The following TAF2 variants were observed in gnomAD, a reference collection of about 807,000 sequenced individuals.
TAF2 encodes the protein TATA-box binding protein associated factor 2, also known as transcription initiation factor TFIID subunit 2.
In TAF2, 61 loss-of-function variants were observed where a neutral mutation model predicts 138.5. The observed-to-expected ratio is 0.44, with a 90% CI of 0.36 to 0.54. The LOEUF is 0.54. TAF2 is among the 20% of genes least tolerant of loss of function. The pLI, the probability that TAF2 is intolerant of heterozygous loss-of-function variation, is 0.00. For synonymous variants in TAF2, 475 were observed against 469.9 expected, an observed-to-expected ratio of 1.01 and a Z score of -0.14; for missense variants, 1,090 against 1,427.9, an observed-to-expected ratio of 0.76 and a Z score of 3.81.
At chr8:119,817,901 G>A (rs997428903) in intron 3 of TAF2, among the ~76,000 whole-genome samples, 6 of 152,154 alleles carry the variant, frequency 3.9e-5, no homozygotes, top group Non-Finnish European at 8.8e-5. Context: ...GGGGGGAAAG[G>A]GATGCAGATA....
chr8:119,742,215 AAG>A (rs1347770986), intron 25 of TAF2, among the ~76,000 whole-genome samples: 5 of 152,234 alleles, frequency 3.3e-5, no homozygotes, highest in African/African-American at 1.2e-4. Flanking sequence ...ATGGCAAAGA[AAG>A]AGCAAAATGT....
At chr8:119,820,575 A>G (rs1299840307) in intron 2 of TAF2, among the ~76,000 whole-genome samples, 1 of 152,242 alleles carries the variant, frequency 6.6e-6, no homozygotes, top group African/African-American at 2.4e-5. Flanking sequence ...CAAAAAAAGT[A>G]GGTCAGTAAT....
intron 14 of TAF2, among the ~76,000 whole-genome samples, chr8:119,787,156 T>C (rs1333403062): frequency 6.6e-6 from 1 of 152,056 alleles, no homozygotes; most frequent in African/African-American, 2.4e-5. Context: ...TCTATCCAAC[T>C]GACAAAGGGC....
intron 25 of TAF2, 148 bp downstream of exon 25, chr8:119,742,386 G>T: frequency 1.1e-6 from 1 of 905,714 alleles, no homozygotes; most frequent in Non-Finnish European, 1.6e-6. Flanking sequence ...TTTAAAGTTA[G>T]ACAATATAAG....
chr8:119,737,594 T>C (rs1819310623), intron 25 of TAF2, among the ~76,000 whole-genome samples: 1 of 151,264 alleles, frequency 6.6e-6, no homozygotes, highest in Non-Finnish European at 1.5e-5. Flanking sequence ...CTACAACCTC[T>C]GCTTCCCAGG....
intron 3 of TAF2, among the ~76,000 whole-genome samples, chr8:119,811,554 C>G (rs1825056434): frequency 6.6e-6 from 1 of 152,036 alleles, no homozygotes; most frequent in South Asian, 2.1e-4. Context: ...CGCCTGTAAT[C>G]CCAGCACTTT....
chr8:119,809,681 A>C (rs1334247280), intron 3 of TAF2, among the ~76,000 whole-genome samples: 1 of 152,192 alleles, frequency 6.6e-6, no homozygotes, highest in African/African-American at 2.4e-5. Context: ...TGTGTGTCTC[A>C]GCAAACAGGG....
chr8:119,770,133 T>A (rs375399354), intron 18 of TAF2, among the ~76,000 whole-genome samples: 134 of 151,480 alleles, frequency 8.8e-4, no homozygotes, highest in African/African-American at 3.2e-3. Flanking sequence ...CTGTAACTTA[T>A]AGGCATTCCT....
At chr8:119,802,984 T>C (rs966599845) in intron 5 of TAF2, among the ~76,000 whole-genome samples, 2 of 152,062 alleles carry the variant, frequency 1.3e-5, no homozygotes, top group African/African-American at 2.4e-5. Context: ...TGGTGGCACA[T>C]GCCTGTAGTC....
chr8:119,793,357 T>C lies in TAF2; in HGVS notation c.1277+9A>G. 1.2e-6 allele frequency: 2 copies of C among 1,607,492 alleles called. No homozygotes were observed. Among genetic ancestry groups the C allele is most frequent in the South Asian group, 2.2e-5 (2 of 90,962 alleles). ...GGTTTATAATATCATCTCTGAACAATAAACATACTTATCCTTCTCTTTTCC... is the reference window on the plus strand; with the variant it reads ...GGTTTATAATATCATCTCTGAACAACAAACATACTTATCCTTCTCTTTTCC... On this transcript the variant is annotated intron_variant, in intron 10 of 25. Transcript: ENST00000378164.
intron 11 of TAF2, among the ~76,000 whole-genome samples, chr8:119,791,042 C>T (rs1437238475): frequency 6.6e-6 from 1 of 152,116 alleles, no homozygotes; most frequent in African/African-American, 2.4e-5. Context: ...CTCAAGCAAT[C>T]ATCCCACCTC....
At position 119,744,398 on chromosome 8, in the gene TAF2, AAC is replaced by A; in HGVS notation, c.3109-7_3109-6del. The A allele has an allele frequency of 1.9e-6, 3 of 1,608,782 alleles. No individual in the cohort carries two copies. The highest frequency in any genetic ancestry group is 2.6e-6 in the Non-Finnish European group (3 of 1,175,914). ...CTCATCTTGAGAACTGGAAAACTAA[AAC>A]ACACACACATAAAACAGAGGATAAA... On this transcript the variant is annotated splice_region_variant and splice_polypyrimidine_tract_variant and intron_variant, in intron 23 of 25. Transcript: ENST00000378164.
chr8:119,818,590 G>A (rs1825626449), intron 3 of TAF2, among the ~76,000 whole-genome samples: 1 of 151,880 alleles, frequency 6.6e-6, no homozygotes, highest in African/African-American at 2.4e-5. Context: ...TAATCAAAGG[G>A]AAAAAAATTT....
intron 22 of TAF2, 69 bp downstream of exon 22, chr8:119,755,937 T>C: frequency 1.6e-6 from 2 of 1,276,682 alleles, no homozygotes; most frequent in Non-Finnish European, 2.3e-6. Flanking sequence ...TGCTATTGAA[T>C]TGAAAATCTG....
At chr8:119,767,474 A>G (rs1821511894) in intron 18 of TAF2, among the ~76,000 whole-genome samples, 1 of 152,112 alleles carries the variant, frequency 6.6e-6, no homozygotes, top group Non-Finnish European at 1.5e-5. Flanking sequence ...CCTACTAAGA[A>G]CTTTTACAAT....
rs761926482 is a variant in TAF2 at position 119,785,274 on chromosome 8, TAAG to T, written c.1794-11_1794-9del. On this transcript the variant is annotated splice_polypyrimidine_tract_variant and intron_variant, in intron 14 of 25. Transcript: ENST00000378164. ...ATTTTTTTCTTTTTATTCCTACATT[TAAG>T]AAAAAGTAGGTTGGAAAATTGTGAG... 13 of 1,598,992 alleles carry T rather than the reference TAAG, an allele frequency of 8.1e-6. No individual in the cohort carries two copies. The highest frequency in any genetic ancestry group is 1.1e-5 in the Non-Finnish European group (13 of 1,167,116).
intron 25 of TAF2, among the ~76,000 whole-genome samples, chr8:119,734,469 A>G (rs1296183243): frequency 6.6e-6 from 1 of 152,186 alleles, no homozygotes; most frequent in Non-Finnish European, 1.5e-5. Flanking sequence ...TACTAATTTT[A>G]TTTATTGACA....
chr8:119,791,438 A>G lies in TAF2; in HGVS notation c.1299T>C (p.Phe433=), dbSNP rs1823422304. 2.5e-6 allele frequency: 4 copies of G among 1,613,634 alleles called. No individual in the cohort carries two copies. In the South Asian group the frequency reaches 4.4e-5, roughly 18 times the overall value. Residue 433 remains phenylalanine (F), a synonymous_variant, in exon 11 of 26, where the codon TTT becomes TTC. Transcript: ENST00000378164. The stretch of plus-strand genomic sequence containing the variant: ...ACAGTGTATGTGGATGCTTTATTGA[A>G]AAGTGTAGATGGGAAGCCGGACTAA... ...EKDNPASHLH[F]SIKHPHTLSW... is the part of the protein sequence containing the mutation.
At chr8:119,830,039 C>T (rs1372175768) in intron 2 of TAF2, among the ~76,000 whole-genome samples, 1 of 151,806 alleles carries the variant, frequency 6.6e-6, no homozygotes, top group Non-Finnish European at 1.5e-5. Context: ...GCTGGGACCA[C>T]AGGCACCCAC....
Sources: allele counts gnomAD v4.1 joint callset (sites outside exome capture counted in the v4.1 genomes callset), GRCh38; gene constraint gnomAD v4.1.1; transcripts MANE v1.5; gene names NCBI Gene and HGNC (gene_info 2026-07-23, HGNC 2026-07-21).